CADM2: variants seen among roughly 807,000 people sequenced by gnomAD.
CADM2 encodes the protein immunoglobulin superfamily member 4D.
A neutral mutation model predicts 49.8 loss-of-function variants in CADM2; 12 were observed. The observed-to-expected ratio is 0.24, with a 90% CI of 0.15 to 0.39. The LOEUF (loss-of-function observed/expected upper bound fraction) is 0.39. Among genes scored for constraint, CADM2 ranks in the 10% least tolerant of loss-of-function variants. The pLI is 1.00. For missense variants in CADM2, 378 were observed against 492.3 expected (o/e 0.77, Z 2.20); for synonymous variants, 214 against 175.4 (o/e 1.22, Z -1.74).
intron 1 of CADM2, among the ~76,000 whole-genome samples, chr3:85,041,950 C>A (rs2035460346): frequency 6.6e-6 from 1 of 152,084 alleles, no homozygotes; most frequent in Non-Finnish European, 1.5e-5. Flanking sequence ...GTAATAGGCA[C>A]CAAACTATAA....
At chr3:86,033,720 T>C (rs1314822308) in intron 8 of CADM2, among the ~76,000 whole-genome samples, 1 of 145,898 alleles carries the variant, frequency 6.9e-6, no homozygotes, top group Admixed American at 6.9e-5. Flanking sequence ...TATATATATA[T>C]AAACTTGAAG....
At chr3:85,290,069 G>A (rs1255846626) in intron 1 of CADM2, among the ~76,000 whole-genome samples, 2 of 152,126 alleles carry the variant, frequency 1.3e-5, no homozygotes, top group African/African-American at 4.8e-5. Context: ...AGTGGGCGCA[G>A]GTCAGTGGGT....
intron 2 of CADM2, among the ~76,000 whole-genome samples, chr3:85,751,854 AT>A (rs1233218246): frequency 6.6e-6 from 1 of 152,182 alleles, no homozygotes; most frequent in Non-Finnish European, 1.5e-5. Context: ...CTTTATAAAT[AT>A]CAGAACTATC....
chr3:85,474,560 A>G (rs556658433), intron 1 of CADM2, among the ~76,000 whole-genome samples: 6 of 151,998 alleles, frequency 3.9e-5, no homozygotes, highest in Non-Finnish European at 8.8e-5. Flanking sequence ...CATACAATTA[A>G]GCATATCATT....
chr3:85,379,356 T>TTTC (rs1382315816), intron 1 of CADM2, among the ~76,000 whole-genome samples: 8 of 151,948 alleles, frequency 5.3e-5, no homozygotes, highest in African/African-American at 1.9e-4. Flanking sequence ...AGAGTTTAGA[T>TTTC]GAAGGTAAAA....
intron 1 of CADM2, among the ~76,000 whole-genome samples, chr3:85,146,165 C>A (rs11127880): frequency 0.54 from 82,598 of 151,960 alleles, 23,130 homozygotes; most frequent in Non-Finnish European, 0.59. Flanking sequence ...TGCTTGTACT[C>A]TGCTAATAAC....
intron 1 of CADM2, among the ~76,000 whole-genome samples, chr3:85,010,368 G>A (rs1421912588): frequency 6.6e-6 from 1 of 152,178 alleles, no homozygotes; most frequent in Non-Finnish European, 1.5e-5. Flanking sequence ...TGTATAAATA[G>A]TCCAGGAATA....
At chr3:85,577,704 A>C (rs1395771798) in intron 1 of CADM2, among the ~76,000 whole-genome samples, 1 of 152,198 alleles carries the variant, frequency 6.6e-6, no homozygotes, top group Admixed American at 6.5e-5. Context: ...TTTTAAAATT[A>C]AAAACATTTT....
chr3:85,687,325 T>C (rs1336002537), intron 1 of CADM2, among the ~76,000 whole-genome samples: 6 of 152,220 alleles, frequency 3.9e-5, no homozygotes, highest in Admixed American at 6.5e-5. Flanking sequence ...ATAATTACTT[T>C]AGCCATAGTT....
intron 1 of CADM2, among the ~76,000 whole-genome samples, chr3:85,027,210 G>A (rs9878707): frequency 0.24 from 34,555 of 141,698 alleles, 5,226 homozygotes; most frequent in Non-Finnish European, 0.34. Context: ...CGCCTCCCGG[G>A]TTTAAGCGAT....
intron 1 of CADM2, among the ~76,000 whole-genome samples, chr3:85,616,323 C>A (rs1011628331): frequency 6.6e-6 from 1 of 151,932 alleles, no homozygotes; most frequent in African/African-American, 2.4e-5. Flanking sequence ...TTAAGTATAG[C>A]ATAAAATAGA....
intron 1 of CADM2, among the ~76,000 whole-genome samples, chr3:85,219,292 A>G (rs572119586): frequency 1.3e-5 from 2 of 152,154 alleles, no homozygotes; most frequent in African/African-American, 2.4e-5. Flanking sequence ...ATTTTTAGTA[A>G]TATTTGATGG....
At chr3:85,422,509 C>T (rs2036219547) in intron 1 of CADM2, among the ~76,000 whole-genome samples, 1 of 152,100 alleles carries the variant, frequency 6.6e-6, no homozygotes, top group African/African-American at 2.4e-5. Context: ...GGTCTCCTGA[C>T]CTCGTGATCC....
At chr3:85,991,744 A>T (rs1487286846) in intron 8 of CADM2, among the ~76,000 whole-genome samples, 1 of 152,162 alleles carries the variant, frequency 6.6e-6, no homozygotes, top group African/African-American at 2.4e-5. Flanking sequence ...TACTATAAAA[A>T]TTTATTAAGG....
chr3:85,168,562 T>C (rs1305730124), intron 1 of CADM2, among the ~76,000 whole-genome samples: 1 of 152,194 alleles, frequency 6.6e-6, no homozygotes, highest in East Asian at 1.9e-4. Context: ...AATACATTTT[T>C]ATTGTATTAG....
chr3:85,907,739 C>T (rs1246998797), intron 5 of CADM2, among the ~76,000 whole-genome samples: 1 of 151,930 alleles, frequency 6.6e-6, no homozygotes, highest in Non-Finnish European at 1.5e-5. Context: ...GGCGAAACTC[C>T]GTCTCTACAA....
At chr3:84,977,221 T>G (rs949339998) in intron 1 of CADM2, among the ~76,000 whole-genome samples, 1 of 151,926 alleles carries the variant, frequency 6.6e-6, no homozygotes, top group Non-Finnish European at 1.5e-5. Context: ...TATCAGCAAA[T>G]CAAGGTTTGA....
chr3:86,013,640 A>G (rs2106935764), intron 8 of CADM2: 1 of 1,602,704 alleles, frequency 6.2e-7, no homozygotes, highest in Non-Finnish European at 8.5e-7. Context: ...CTGACGATGT[A>G]GTGGACATAG....
chr3:85,579,947 A>G (rs911794124), intron 1 of CADM2, among the ~76,000 whole-genome samples: 1 of 152,184 alleles, frequency 6.6e-6, no homozygotes, highest in African/African-American at 2.4e-5. Context: ...TTACATACAC[A>G]TATGGGAAGA....
Sources: allele counts gnomAD v4.1 joint callset (sites outside exome capture counted in the v4.1 genomes callset), GRCh38; gene constraint gnomAD v4.1.1; transcripts MANE v1.5; gene names NCBI Gene and HGNC (gene_info 2026-07-23, HGNC 2026-07-21).